The following SLC1A6 variants were observed in gnomAD, a reference collection of about 807,000 sequenced individuals.
The protein encoded by SLC1A6 is solute carrier family 1 member 6.
Under a neutral mutation model 42.1 loss-of-function variants are expected in SLC1A6, and 15 were observed. The observed-to-expected ratio is 0.36, with a 90% CI of 0.24 to 0.55. SLC1A6 has a LOEUF of 0.55. SLC1A6 is among the 20% of genes least tolerant of loss of function. SLC1A6 has a pLI of 0.88. For missense variants in SLC1A6, 542 were observed against 772.5 expected (o/e 0.70, Z 3.54); for synonymous variants, 317 against 319.7 (o/e 0.99, Z 0.09).
chr19:14,965,310 C>T (rs1438398715), intron 4 of SLC1A6, among the ~76,000 whole-genome samples: 2 of 152,156 alleles, frequency 1.3e-5, no homozygotes, highest in African/African-American at 4.8e-5. Context: ...TGAGCCACTG[C>T]GCCTGGCTGA....
upstream of SLC1A6, among the ~76,000 whole-genome samples, chr19:14,982,345 C>A (rs2045772321): frequency 6.6e-6 from 1 of 152,056 alleles, no homozygotes; most frequent in Non-Finnish European, 1.5e-5. Flanking sequence ...GCCTGGCCAA[C>A]CTGGTGAAAC....
intron 1 of SLC1A6, among the ~76,000 whole-genome samples, chr19:14,998,343 C>T (rs534978005): frequency 9.9e-4 from 151 of 152,220 alleles, no homozygotes; most frequent in African/African-American, 3.6e-3. Context: ...GAGTTCAAGA[C>T]CAGCCTGGCC....
chr19:14,991,945 C>G (rs1402109602), intron 1 of SLC1A6, among the ~76,000 whole-genome samples: 1 of 152,016 alleles, frequency 6.6e-6, no homozygotes, highest in African/African-American at 2.4e-5. Flanking sequence ...CCTGCCTCAG[C>G]CTCCCGAGTA....
intron 1 of SLC1A6, among the ~76,000 whole-genome samples, chr19:15,000,438 C>A (rs192524103): frequency 6.6e-6 from 1 of 152,252 alleles, no homozygotes; most frequent in East Asian, 1.9e-4. Flanking sequence ...TCTTTTTTAC[C>A]TTCCACATAT....
At chr19:15,007,765 C>T (rs57499925) in intron 1 of SLC1A6, among the ~76,000 whole-genome samples, 11,111 of 152,090 alleles carry the variant, frequency 0.073, 948 homozygotes, top group African/African-American at 0.21. Context: ...TGGCTCATAC[C>T]TGTGGTCCCA....
At position 14,953,056 on chromosome 19, in the gene SLC1A6, C is replaced by T. The variant is rs780328846; in HGVS notation, c.1371G>A (p.Thr457=). 4.3e-5 allele frequency: 70 copies of T among 1,612,546 alleles called. No individual in the cohort carries two copies. The highest frequency in any genetic ancestry group is 2.0e-4 in the African/African-American group (15 of 74,764). The change falls in exon 9 of 10, where the codon ACG becomes ACA. Residue 457 remains threonine (T), a synonymous_variant. Transcript: ENST00000594383. The part of the protein sequence containing the change: ...NLGQITTISI[T]ATAASVGAAG... ...CAGCCCCAACACTGGCTGCTGTGGC[C>T]GTGATGCTGCAGGGGGAGGGAGAAC...
In SLC1A6 at chr19:14,986,432, G is replaced by T. The variant is rs376896716; in HGVS notation, c.7-13515C>A. 3.3e-3 allele frequency among the ~76,000 whole-genome samples: 494 copies of T among 151,426 alleles called. 2 individuals are homozygous for T. Among genetic ancestry groups the T allele is most frequent in the South Asian group, 0.011 (55 of 4,792 alleles). On this transcript the variant is annotated intron_variant, in intron 1 of 8. Coordinates refer to the SLC1A6 transcript ENST00000430939. ...AGCTACTATGGAGGCTGAGGGAGGA[G>T]AATTGCTTGAACCTGGGAGGTAGAG...
intron 1 of SLC1A6, among the ~76,000 whole-genome samples, chr19:14,984,904 T>G (rs147548458): frequency 5.9e-5 from 9 of 152,290 alleles, no homozygotes; most frequent in Admixed American, 5.2e-4. Context: ...TTTGTTTAGA[T>G]AGAGTCTCGC....
chr19:14,990,929 A>G (rs2045817047), intron 1 of SLC1A6, among the ~76,000 whole-genome samples: 2 of 152,218 alleles, frequency 1.3e-5, no homozygotes, highest in African/African-American at 4.8e-5. Context: ...TTTGGAAGGC[A>G]ATGCACATAT....
chr19:15,002,920 TTTC>T (rs2045878714), intron 1 of SLC1A6, among the ~76,000 whole-genome samples: 7 of 147,832 alleles, frequency 4.7e-5, no homozygotes, highest in African/African-American at 1.0e-4. Flanking sequence ...GTTTGTTTGT[TTTC>T]GGTTTGTGTT....
At chr19:14,982,279 C>T (rs2045772026), upstream of SLC1A6, among the ~76,000 whole-genome samples, 1 of 152,158 alleles carries the variant, frequency 6.6e-6, no homozygotes, top group Non-Finnish European at 1.5e-5. Context: ...CCTGTAATCC[C>T]AGCCCTTTGG....
intron 1 of SLC1A6, among the ~76,000 whole-genome samples, chr19:14,998,896 T>TTTATTTATTTATTTATTTA (rs773825343): frequency 2.1e-5 from 2 of 94,674 alleles, no homozygotes; most frequent in East Asian, 4.1e-4. Flanking sequence ...TTATTTATTT[T>TTTATTTATTTATTTATTTA]TAATGGAGTC....
intron 1 of SLC1A6, among the ~76,000 whole-genome samples, chr19:15,010,179 CTA>C (rs1447435819): frequency 1.8e-5 from 1 of 54,972 alleles, no homozygotes; most frequent in East Asian, 1.7e-3. Flanking sequence ...GTGCAAGACT[CTA>C]TGAAAAAAAA....
At chr19:15,006,980 C>T (rs984175459) in intron 1 of SLC1A6, among the ~76,000 whole-genome samples, 6 of 151,790 alleles carry the variant, frequency 4.0e-5, no homozygotes, top group African/African-American at 1.5e-4. Flanking sequence ...AAAAATAAAA[C>T]ATGTATTGAT....
chr19:14,955,405 AC>A (rs1269825504), intron 7 of SLC1A6, among the ~76,000 whole-genome samples: 2 of 151,760 alleles, frequency 1.3e-5, no homozygotes, highest in Non-Finnish European at 2.9e-5. Context: ...ACATGGCAAA[AC>A]CCCGTCTCTA....
chr19:14,975,926 G>A (rs1172971898), intron 1 of SLC1A6, among the ~76,000 whole-genome samples: 2 of 151,174 alleles, frequency 1.3e-5, no homozygotes, highest in East Asian at 3.9e-4. Flanking sequence ...GGAAAGGGAA[G>A]GGGACTTTTC....
chr19:14,950,468 T>C, intron 9 of SLC1A6, 78 bp from the exon 10 acceptor site: 1 of 1,148,536 alleles, frequency 8.7e-7, no homozygotes, highest in Non-Finnish European at 1.2e-6. Flanking sequence ...CAGAGGGGGG[T>C]CCCTGTGCCA....
upstream of SLC1A6, among the ~76,000 whole-genome samples, chr19:14,982,445 C>T (rs1210149531): frequency 1.3e-5 from 2 of 152,144 alleles, no homozygotes; most frequent in Admixed American, 1.3e-4. Context: ...AAGAGAATTA[C>T]TTGAACCCCG....
At chr19:14,955,813 T>C (rs2045457325) in intron 7 of SLC1A6, among the ~76,000 whole-genome samples, 2 of 151,650 alleles carry the variant, frequency 1.3e-5, no homozygotes, top group South Asian at 4.2e-4. Flanking sequence ...TGCATGCCTG[T>C]AGTCCCAGCT....
Sources: allele counts gnomAD v4.1 joint callset (sites outside exome capture counted in the v4.1 genomes callset), GRCh38; gene constraint gnomAD v4.1.1; transcripts MANE v1.5; gene names NCBI Gene and HGNC (gene_info 2026-07-23, HGNC 2026-07-21).